PAK5: variants seen among roughly 807,000 people sequenced by gnomAD.
The protein encoded by PAK5 is p21 (RAC1) activated kinase 5.
In PAK5, 16 loss-of-function variants were observed where a neutral mutation model predicts 65.9. The observed-to-expected ratio is 0.24, with a 90% confidence interval of 0.16 to 0.37. The LOEUF (loss-of-function observed/expected upper bound fraction) is 0.37. PAK5 is among the 10% of genes least tolerant of loss of function. The pLI, the probability that PAK5 is intolerant of heterozygous loss-of-function variation, is 1.00. For synonymous variants in PAK5, 371 were observed against 354.9 expected (o/e 1.05, Z -0.51); for missense variants, 785 against 903.9 (o/e 0.87, Z 1.69).
chr20:9,577,175 C>G (rs1328528422), intron 4 of PAK5, among the ~76,000 whole-genome samples: 1 of 151,964 alleles, frequency 6.6e-6, no homozygotes, highest in African/African-American at 2.4e-5. Flanking sequence ...TCCCACCCTC[C>G]CAACCCCAGG....
At position 9,537,532 on chromosome 20, in the gene PAK5, TTTCCATTACACTGTCGAAAATG is replaced by T. The variant is rs1386365063; in HGVS notation, c.*1908_*1929del. 1 of 210,016 alleles carries T rather than the reference TTTCCATTACACTGTCGAAAATG, an allele frequency of 4.8e-6. No homozygotes were observed. Among genetic ancestry groups the T allele is most frequent in the Non-Finnish European group, 9.7e-6 (1 of 103,244 alleles). 13.0% of individuals were successfully genotyped at this position (210,016 alleles called of 1,614,324 possible). On this transcript the variant is annotated 3_prime_UTR_variant, in exon 10 of 10. Transcript: ENST00000353224. ...CGATGGTAAGAAAATTACAGAAAAA[TTTCCATTACACTGTCGAAAATG>T]TTTGGAATCCAAAATCCACTATTTT...
At chr20:9,662,167 C>G (rs1219696736) in intron 2 of PAK5, among the ~76,000 whole-genome samples, 2 of 152,124 alleles carry the variant, frequency 1.3e-5, no homozygotes, top group Non-Finnish European at 2.9e-5. Context: ...ATTGTCAGTG[C>G]TATACACCAT....
At chr20:9,735,527 G>A (rs1035074935) in intron 1 of PAK5, among the ~76,000 whole-genome samples, 1 of 152,106 alleles carries the variant, frequency 6.6e-6, no homozygotes, top group Non-Finnish European at 1.5e-5. Context: ...ATCCGTGGAC[G>A]TTAGGTAAAG....
At chr20:9,828,727 T>G (rs2123785273) in intron 1 of PAK5, among the ~76,000 whole-genome samples, 1 of 152,328 alleles carries the variant, frequency 6.6e-6, no homozygotes, top group South Asian at 2.1e-4. Flanking sequence ...GCTAAAGAAT[T>G]TCTTAAATAG....
At chr20:9,594,469 T>A (rs1369024549) in intron 3 of PAK5, among the ~76,000 whole-genome samples, 3 of 152,222 alleles carry the variant, frequency 2.0e-5, no homozygotes, top group Non-Finnish European at 4.4e-5. Flanking sequence ...ATTGACACAC[T>A]GATTAATGAG....
chr20:9,715,767 A>G (rs2048137717), intron 1 of PAK5, among the ~76,000 whole-genome samples: 1 of 152,028 alleles, frequency 6.6e-6, no homozygotes, highest in African/African-American at 2.4e-5. Flanking sequence ...GAAGCTGGAA[A>G]CCATCATTCT....
chr20:9,571,239 T>C (rs1382365697), intron 4 of PAK5, among the ~76,000 whole-genome samples: 1 of 152,242 alleles, frequency 6.6e-6, no homozygotes, highest in East Asian at 1.9e-4. Flanking sequence ...GGTGACCCCA[T>C]TTGGGGCCAC....
intron 1 of PAK5, among the ~76,000 whole-genome samples, chr20:9,832,106 C>T (rs1040250641): frequency 6.6e-6 from 1 of 151,658 alleles, no homozygotes; most frequent in Non-Finnish European, 1.5e-5. Flanking sequence ...TTACCAAGCT[C>T]CCAAGTTCTA....
intron 3 of PAK5, among the ~76,000 whole-genome samples, chr20:9,611,349 C>A (rs2046556167): frequency 6.6e-6 from 1 of 152,168 alleles, no homozygotes; most frequent in African/African-American, 2.4e-5. Flanking sequence ...CTGCCCCCAC[C>A]CAAACTGCCA....
intron 1 of PAK5, among the ~76,000 whole-genome samples, chr20:9,814,811 T>A (rs1317789924): frequency 5.3e-5 from 8 of 152,174 alleles, no homozygotes; most frequent in Admixed American, 3.9e-4. Flanking sequence ...CACCTGGAAG[T>A]CATGTGACGC....
chr20:9,792,463 A>T (rs1047057916), intron 1 of PAK5, among the ~76,000 whole-genome samples: 6 of 152,154 alleles, frequency 3.9e-5, no homozygotes, highest in African/African-American at 1.4e-4. Context: ...TGCAGGAATT[A>T]TACTCCCCAG....
intron 1 of PAK5, among the ~76,000 whole-genome samples, chr20:9,829,326 G>A (rs539278747): frequency 1.3e-5 from 2 of 152,294 alleles, no homozygotes; most frequent in Admixed American, 1.3e-4. Context: ...TAAATTATCG[G>A]AGGTTCAAGG....
At chr20:9,604,595 CT>C (rs1454903502) in intron 3 of PAK5, among the ~76,000 whole-genome samples, 3 of 152,198 alleles carry the variant, frequency 2.0e-5, no homozygotes, top group African/African-American at 7.2e-5. Flanking sequence ...AGAGCCAAAG[CT>C]TGTTCTCTTA....
intron 2 of PAK5, among the ~76,000 whole-genome samples, chr20:9,651,902 A>G (rs2047208177): frequency 6.6e-6 from 1 of 152,210 alleles, no homozygotes; most frequent in Admixed American, 6.5e-5. Flanking sequence ...AATAAAGTGA[A>G]GAGTTAATAT....
intron 2 of PAK5, among the ~76,000 whole-genome samples, chr20:9,662,842 A>C (rs1476221103): frequency 6.6e-6 from 1 of 152,184 alleles, no homozygotes; most frequent in Non-Finnish European, 1.5e-5. Flanking sequence ...AAGAGAAAAA[A>C]GCTAAGTATC....
chr20:9,544,223 A>T, intron 8 of PAK5, 146 bp downstream of exon 8: 1 of 863,378 alleles, frequency 1.2e-6, no homozygotes, highest in Non-Finnish European at 1.8e-6. Flanking sequence ...CAGCCTATCT[A>T]CTCTGTGCCT....
chr20:9,790,664 C>T (rs1400546174), intron 1 of PAK5, among the ~76,000 whole-genome samples: 3 of 152,012 alleles, frequency 2.0e-5, no homozygotes, highest in Non-Finnish European at 4.4e-5. Flanking sequence ...CAACACAACA[C>T]CTAATTTTTT....
At chr20:9,752,642 TA>T (rs1223790302) in intron 1 of PAK5, among the ~76,000 whole-genome samples, 1 of 152,160 alleles carries the variant, frequency 6.6e-6, no homozygotes, top group Admixed American at 6.5e-5. Flanking sequence ...CTTATCAATT[TA>T]AAAAATTTAA....
intron 1 of PAK5, among the ~76,000 whole-genome samples, chr20:9,786,875 T>C (rs1451313511): frequency 6.6e-6 from 1 of 152,146 alleles, no homozygotes; most frequent in Admixed American, 6.6e-5. Flanking sequence ...ATGCCATCAG[T>C]AATATAGCTA....
Sources: gnomAD v4.1 joint callset for allele counts (sites outside exome capture counted in the v4.1 genomes callset) on GRCh38, gnomAD v4.1.1 for gene constraint, MANE v1.5 for transcripts, NCBI Gene and HGNC (gene_info 2026-07-23, HGNC 2026-07-21) for gene names.